The following ODAD2 variants were observed in gnomAD, a reference collection of about 807,000 sequenced individuals.
The protein encoded by ODAD2 is outer dynein arm-docking complex subunit 2.
ODAD2 carries 89 observed loss-of-function variants against 106.8 expected under a neutral mutation model. The observed-to-expected ratio is 0.83, with a 90% confidence interval of 0.70 to 0.99. The LOEUF (loss-of-function observed/expected upper bound fraction) is 0.99. Ranked by LOEUF, ODAD2 falls within the 50% of genes least tolerant of loss-of-function variation. The pLI is 0.00. For missense variants in ODAD2, 1,168 were observed against 1,238.5 expected (o/e 0.94, Z 0.85); for synonymous variants, 404 against 436.2 (o/e 0.93, Z 0.92).
chr10:27,830,710 T>C (rs990231613), intron 19 of ODAD2, among the ~76,000 whole-genome samples: 7 of 152,144 alleles, frequency 4.6e-5, no homozygotes, highest in African/African-American at 1.4e-4. Context: ...CTGGAGTGGA[T>C]TGTATCTCTA....
chr10:27,952,228 TA>T (rs953781376), intron 10 of ODAD2, among the ~76,000 whole-genome samples: 3 of 151,928 alleles, frequency 2.0e-5, no homozygotes, highest in Admixed American at 6.6e-5. Context: ...ATTTGACATA[TA>T]AAAAAATTGT....
At chr10:27,835,411 A>G (rs1444367402) in intron 19 of ODAD2, among the ~76,000 whole-genome samples, 1 of 152,176 alleles carries the variant, frequency 6.6e-6, no homozygotes, top group Admixed American at 6.5e-5. Flanking sequence ...CTACTCCTAT[A>G]ACAACAACAA....
chr10:27,835,423 C>T (rs373099838), intron 19 of ODAD2, among the ~76,000 whole-genome samples: 22 of 152,264 alleles, frequency 1.4e-4, no homozygotes, highest in African/African-American at 3.9e-4. Flanking sequence ...CAACAACAAC[C>T]GCTGCAGCAA....
Position 27,812,375 on chromosome 10 carries a change from T to C in ODAD2, c.*137A>G, listed in dbSNP as rs1473135483. 6.4e-5 allele frequency: 47 copies of C among 739,936 alleles called. No homozygotes were observed. Among genetic ancestry groups the C allele is most frequent in the Admixed American group, 3.9e-4 (11 of 28,360 alleles). 45.8% of individuals were successfully genotyped at this position (739,936 alleles called of 1,614,324 possible). A position where few individuals can be genotyped will look rare whatever the true frequency, so the allele number is the denominator to read the frequency against. ...TTTCAGATGAAAAACATTCTGTGCA[T>C]TTTCAATTTGTGTGTTTTCATTTAG... On this transcript the variant is annotated 3_prime_UTR_variant, in exon 20 of 20. Coordinates refer to ENST00000305242, the MANE Select transcript of ODAD2 (RefSeq NM_018076.5).
At chr10:27,823,519 T>C (rs776874083) in intron 19 of ODAD2, among the ~76,000 whole-genome samples, 1 of 152,174 alleles carries the variant, frequency 6.6e-6, no homozygotes, top group Non-Finnish European at 1.5e-5. Flanking sequence ...TCAGTAAAAT[T>C]AGGATTTTTA....
intron 16 of ODAD2, among the ~76,000 whole-genome samples, chr10:27,908,630 T>C (rs1843767469): frequency 6.6e-6 from 1 of 152,210 alleles, no homozygotes. Flanking sequence ...AATCTCAAGT[T>C]GAATTAAACA....
rs577878821 is a variant in ODAD2 at position 27,987,897 on chromosome 10, C to T, written c.225-354G>A. 2.0e-5 allele frequency among the ~76,000 whole-genome samples: 3 copies of T among 151,282 alleles called. No individual in the cohort carries two copies. The East Asian group carries it at 5.8e-4, about 29-fold the overall frequency. ...TTTAAAAATCATTGGTTCTGCAAAA[C>T]CCTTCATGCTTTGGGGAGTTCTAAT... is the stretch of plus-strand genomic sequence containing the variant. On this transcript the variant is annotated intron_variant, in intron 2 of 19. Coordinates refer to ENST00000305242, the MANE Select transcript of ODAD2 (RefSeq NM_018076.5).
At chr10:27,855,966 G>T (rs1839624971) in intron 19 of ODAD2, among the ~76,000 whole-genome samples, 1 of 152,112 alleles carries the variant, frequency 6.6e-6, no homozygotes, top group Non-Finnish European at 1.5e-5. Flanking sequence ...CCTTTAATAG[G>T]TGCTCATCAG....
chr10:27,866,882 A>C (rs1351628660), intron 17 of ODAD2, among the ~76,000 whole-genome samples: 12 of 152,162 alleles, frequency 7.9e-5, no homozygotes, highest in Non-Finnish European at 8.8e-5. Context: ...ATCAAATTTC[A>C]ACATGAGATT....
chr10:27,931,417 A>G (rs1053978517), intron 16 of ODAD2, among the ~76,000 whole-genome samples: 2 of 152,074 alleles, frequency 1.3e-5, no homozygotes, highest in Middle Eastern at 3.2e-3. Context: ...AGTTTTGTGC[A>G]TTACTAATAA....
chr10:27,952,412 A>C (rs185997468), intron 10 of ODAD2, among the ~76,000 whole-genome samples: 91 of 151,644 alleles, frequency 6.0e-4, no homozygotes, highest in African/African-American at 1.9e-3. Context: ...TTTTTACCTT[A>C]AGTTCTAGGA....
chr10:27,918,833 G>A (rs886791033), intron 16 of ODAD2, among the ~76,000 whole-genome samples: 8 of 151,034 alleles, frequency 5.3e-5, no homozygotes, highest in African/African-American at 1.7e-4. Context: ...AAGTTAGCAA[G>A]TTTGCCAGCA....
chr10:27,881,680 A>G (rs1841719141), intron 17 of ODAD2, among the ~76,000 whole-genome samples: 1 of 152,112 alleles, frequency 6.6e-6, no homozygotes, highest in Non-Finnish European at 1.5e-5. Context: ...TACATCCTTG[A>G]CTATTATTAG....
chr10:27,887,835 GA>G (rs200464359), intron 17 of ODAD2, among the ~76,000 whole-genome samples: 4,145 of 152,022 alleles, frequency 0.027, 66 homozygotes, highest in Non-Finnish European at 0.043. Context: ...CTTTAAATTA[GA>G]TTTTAAAAAA....
intron 1 of ODAD2, among the ~76,000 whole-genome samples, chr10:27,997,811 G>A (rs7915784): frequency 0.14 from 21,997 of 152,154 alleles, 2,633 homozygotes; most frequent in African/African-American, 0.33. Flanking sequence ...CCCGGTTTCT[G>A]CCCATTGCCA....
intron 16 of ODAD2, among the ~76,000 whole-genome samples, chr10:27,919,554 T>C (rs999038736): frequency 2.6e-5 from 4 of 152,046 alleles, no homozygotes; most frequent in Admixed American, 6.6e-5. Flanking sequence ...ATATGGAAAG[T>C]TACTCAATAC....
chr10:27,900,525 A>T (rs1832006), intron 17 of ODAD2, among the ~76,000 whole-genome samples: 2 of 152,102 alleles, frequency 1.3e-5, no homozygotes, highest in African/African-American at 4.8e-5. Context: ...GAGCTAAAGG[A>T]GCATGTTCTA....
chr10:27,813,572 T>G (rs1835905514), intron 19 of ODAD2: 1 of 152,160 alleles, frequency 6.6e-6, no homozygotes, highest in African/African-American at 2.4e-5. Context: ...GAATCACATA[T>G]TTTTTTACCC....
intron 10 of ODAD2, among the ~76,000 whole-genome samples, chr10:27,951,532 C>A (rs939136713): frequency 2.6e-5 from 4 of 151,814 alleles, no homozygotes; most frequent in East Asian, 1.9e-4. Context: ...TGTGTTGATA[C>A]AATTGACTGT....
Sources: allele counts gnomAD v4.1 joint callset (sites outside exome capture counted in the v4.1 genomes callset), GRCh38; gene constraint gnomAD v4.1.1; transcripts MANE v1.5; gene names NCBI Gene and HGNC (gene_info 2026-07-23, HGNC 2026-07-21).